PRKN: variants seen among roughly 807,000 people sequenced by gnomAD.
PRKN encodes the protein E3 ubiquitin-protein ligase parkin.
A neutral mutation model predicts 59.5 loss-of-function variants in PRKN; 56 were observed. The observed-to-expected ratio is 0.94, with a 90% CI of 0.76 to 1.18. The LOEUF (loss-of-function observed/expected upper bound fraction) is 1.18. PRKN is among the 50% of genes most tolerant of loss of function. PRKN has a pLI of 0.00. For synonymous variants in PRKN, 250 were observed against 222.1 expected (o/e 1.13, Z -1.12); for missense variants, 657 against 596.4 (o/e 1.10, Z -1.06).
intron 1 of PRKN, among the ~76,000 whole-genome samples, chr6:162,606,709 T>C (rs1468594180): frequency 1.3e-5 from 2 of 152,034 alleles, no homozygotes; most frequent in Non-Finnish European, 2.9e-5. Flanking sequence ...GGTGAACAGT[T>C]GAGCAGTATA....
chr6:161,508,601 AC>A (rs751217665), intron 9 of PRKN, among the ~76,000 whole-genome samples: 7 of 152,104 alleles, frequency 4.6e-5, no homozygotes, highest in Non-Finnish European at 8.8e-5. Context: ...GTCCCTTAAT[AC>A]ACTTAATAAA....
intron 5 of PRKN, among the ~76,000 whole-genome samples, chr6:162,029,979 C>A (rs1582922692): frequency 6.6e-6 from 1 of 152,092 alleles, no homozygotes; most frequent in Non-Finnish European, 1.5e-5. Flanking sequence ...GCTGTTACTA[C>A]AGGTACACGC....
chr6:162,551,657 G>A (rs1779336366), intron 1 of PRKN, among the ~76,000 whole-genome samples: 1 of 152,178 alleles, frequency 6.6e-6, no homozygotes, highest in Non-Finnish European at 1.5e-5. Flanking sequence ...GAACCACCCA[G>A]AAGATGGTTT....
chr6:162,534,012 G>A, intron 1 of PRKN, among the ~76,000 whole-genome samples: 1 of 147,790 alleles, frequency 6.8e-6, no homozygotes, highest in East Asian at 2.0e-4. Flanking sequence ...GGATTAATAA[G>A]ACAAATGTAC....
rs1360659346 is a variant in PRKN at position 161,544,146 on chromosome 6, C to T, written c.1083+4708G>A. 6.6e-6 allele frequency among the ~76,000 whole-genome samples: 1 copy of T among 152,134 alleles called. No individual in the cohort carries two copies. The highest frequency in any genetic ancestry group is 1.5e-5 in the Non-Finnish European group (1 of 68,044). ...GAGTCAAAACTGAAATCTCAGTTCTCCCAAGAGTAAGACATTTTACATATC... is the reference window on the plus strand; with the variant it reads ...GAGTCAAAACTGAAATCTCAGTTCTTCCAAGAGTAAGACATTTTACATATC... On this transcript the variant is annotated intron_variant, in intron 9 of 11. Coordinates refer to ENST00000366898, the MANE Select transcript of PRKN (RefSeq NM_004562.3). The surrounding 1 kb of genome is among the most constrained non-coding windows in gnomAD (Gnocchi z 5.5).
chr6:162,280,900 A>G (rs1336076864), intron 2 of PRKN, among the ~76,000 whole-genome samples: 2 of 152,016 alleles, frequency 1.3e-5, no homozygotes, highest in East Asian at 1.9e-4. Flanking sequence ...CAAAAAATCA[A>G]TGAATGCAGG....
At chr6:162,001,867 T>TA (rs1315446257) in intron 5 of PRKN, among the ~76,000 whole-genome samples, 1 of 124,712 alleles carries the variant, frequency 8.0e-6, no homozygotes, top group African/African-American at 3.0e-5. Context: ...TTTTTTTTTT[T>TA]AAATCATGAA....
At chr6:162,714,970 A>G (rs973266730) in intron 1 of PRKN, among the ~76,000 whole-genome samples, 1 of 152,228 alleles carries the variant, frequency 6.6e-6, no homozygotes, top group Non-Finnish European at 1.5e-5. Context: ...GGAAAAAAAG[A>G]AGAAAGGAAA....
chr6:162,617,421 A>G lies in PRKN; in HGVS notation c.7+110241T>C, dbSNP rs544098828. ...TAATTTTTGTATTTTTGGTAGAGAC[A>G]GGGTTTCACCATGTTGGCCAGGCTG... is the stretch of plus-strand genomic sequence containing the variant. On this transcript the variant is annotated intron_variant, in intron 1 of 11. Transcript: ENST00000366898. 2.0e-5 allele frequency among the ~76,000 whole-genome samples: 3 copies of G among 152,152 alleles called. No individual in the cohort carries two copies. The East Asian group carries it at 5.8e-4, about 30-fold the overall frequency.
intron 1 of PRKN, among the ~76,000 whole-genome samples, chr6:162,653,975 A>T (rs2849544): frequency 6.6e-6 from 1 of 152,014 alleles, no homozygotes; most frequent in African/African-American, 2.4e-5. Flanking sequence ...GTACCTACTC[A>T]CTGGCACTCT....
chr6:162,227,297 T>G (rs988231318), intron 3 of PRKN, among the ~76,000 whole-genome samples: 4 of 151,994 alleles, frequency 2.6e-5, no homozygotes, highest in Admixed American at 1.3e-4. Flanking sequence ...AAAATAAGGG[T>G]TTTTTTCCCC....
rs1779750061 is a variant in PRKN, at chr6:161,545,126, T to G, written c.1083+3728A>C. 2 of 1,272,558 alleles carry G rather than the reference T, an allele frequency of 1.6e-6. No homozygotes were observed. Among genetic ancestry groups the G allele is most frequent in the African/African-American group, 3.1e-5 (2 of 65,286 alleles). The allele number at this position is 1,272,558 out of a possible 1,614,324, so 78.8% of individuals were successfully genotyped here. A position where few individuals can be genotyped will look rare whatever the true frequency, so the allele number is the denominator to read the frequency against. Reference sequence around the variant, plus strand: ...AATGACAGAGAATTTGGTTTTCAACTTTTTTATACGCGATTTTTTTTGTAA... The same window carrying G: ...AATGACAGAGAATTTGGTTTTCAACGTTTTTATACGCGATTTTTTTTGTAA... On this transcript the variant is annotated intron_variant, in intron 9 of 11. Transcript: ENST00000366898. The surrounding 1 kb of genome is among the most constrained non-coding windows in gnomAD (Gnocchi z 4.1).
At chr6:162,213,592 G>A (rs1292441107) in intron 3 of PRKN, among the ~76,000 whole-genome samples, 1 of 151,906 alleles carries the variant, frequency 6.6e-6, no homozygotes, top group Non-Finnish European at 1.5e-5. Flanking sequence ...AGCTGAATAT[G>A]GTGGCACATG....
chr6:162,223,632 CACACACACACACACACACACACACACACA>C, intron 3 of PRKN, among the ~76,000 whole-genome samples: 1 of 105,134 alleles, frequency 9.5e-6, no homozygotes, highest in East Asian at 8.3e-4. Flanking sequence ...CACACACACA[CACACACACACACACACACACACACACACA>C]AACATAATGC....
intron 4 of PRKN, among the ~76,000 whole-genome samples, chr6:162,099,547 G>T (rs1562512585): frequency 6.6e-6 from 1 of 152,084 alleles, no homozygotes; most frequent in Non-Finnish European, 1.5e-5. Context: ...AGAGGCAACA[G>T]GATAATACTT....
At chr6:162,370,259 G>A (rs1053309831) in intron 2 of PRKN, among the ~76,000 whole-genome samples, 2 of 152,062 alleles carry the variant, frequency 1.3e-5, no homozygotes, top group Non-Finnish European at 2.9e-5. Context: ...CCTGGCAGAT[G>A]ATTTGGATGT....
At chr6:161,474,317 T>C (rs1253772125) in intron 9 of PRKN, among the ~76,000 whole-genome samples, 2 of 152,208 alleles carry the variant, frequency 1.3e-5, no homozygotes, top group Non-Finnish European at 2.9e-5. Context: ...TCATCTTGTC[T>C]TTCCTGCTCC....
rs908669336 is a variant in PRKN, at chr6:161,562,291, C to A, written c.933+7064G>T. Among the ~76,000 whole-genome samples, 1 of 152,148 alleles carries A rather than the reference C, an allele frequency of 6.6e-6. No individual in the cohort carries two copies. Among genetic ancestry groups the A allele is most frequent in the Non-Finnish European group, 1.5e-5 (1 of 68,030 alleles). ...TTCCTCAACACCACAAATTGCCATT[C>A]CTCCTCCGGAAGGCCCGCCTACTTG... On this transcript the variant is annotated intron_variant, in intron 8 of 11. Coordinates refer to ENST00000366898, the MANE Select transcript of PRKN (RefSeq NM_004562.3). The surrounding 1 kb of genome is among the most constrained non-coding windows in gnomAD (Gnocchi z 4.3).
intron 6 of PRKN, among the ~76,000 whole-genome samples, chr6:161,795,136 G>A (rs1168965762): frequency 5.3e-5 from 8 of 151,118 alleles, no homozygotes; most frequent in African/African-American, 1.9e-4. Flanking sequence ...CACCCGCCTC[G>A]GCCTCCCAAA....
Sources: gnomAD v4.1 joint callset for allele counts (sites outside exome capture counted in the v4.1 genomes callset) on GRCh38, gnomAD v4.1.1 for gene constraint, Gnocchi (gnomAD v3.1) non-coding constraint, MANE v1.5 for transcripts, NCBI Gene and HGNC (gene_info 2026-07-23, HGNC 2026-07-21) for gene names.